TRMT2B: variants seen among roughly 807,000 people sequenced by gnomAD.
TRMT2B encodes tRNA methyltransferase 2B.
Under a neutral mutation model 39.7 loss-of-function variants are expected in TRMT2B, and 34 were observed. The ratio of observed to expected loss-of-function variants is 0.86; its 90% CI spans 0.65 to 1.14. The LOEUF (loss-of-function observed/expected upper bound fraction) is 1.14, where lower values mean the gene tolerates loss of function less well. TRMT2B is among the 50% of genes most tolerant of loss of function. TRMT2B has a pLI of 0.00. For synonymous variants in TRMT2B, 132 were observed against 137.3 expected (o/e 0.96, Z 0.27); for missense variants, 318 against 377.2 (o/e 0.84, Z 1.30).
chrX:101,005,806 A>G (rs1313211245), downstream of TRMT2B, among the ~76,000 whole-genome samples: 10 of 102,799 alleles, frequency 9.7e-5, no homozygotes, highest in Non-Finnish European at 2.0e-4. Context: ...GCTTGAGCCC[A>G]GGAGGCAGAG....
chrX:101,043,387 T>C (rs1328485007), intron 2 of TRMT2B, among the ~76,000 whole-genome samples: 4 of 111,316 alleles, frequency 3.6e-5, no homozygotes, highest in East Asian at 2.8e-4. Flanking sequence ...CTGGCCAACA[T>C]GGTGAAACCC....
the TRMT2B span, among the ~76,000 whole-genome samples, chrX:100,998,554 CAAAAA>C: frequency 1.8e-5 from 1 of 56,078 alleles, no homozygotes; most frequent in African/African-American, 6.1e-5. Context: ...GATTCTGTCG[CAAAAA>C]AAAAAAAAAA....
the TRMT2B span, among the ~76,000 whole-genome samples, chrX:100,982,090 C>G: frequency 9.0e-6 from 1 of 110,955 alleles, no homozygotes. Context: ...TTTAGACTAG[C>G]GCCTTTCAAA....
chrX:100,997,945 AAATT>A, the TRMT2B span, among the ~76,000 whole-genome samples: 1 of 111,733 alleles, frequency 8.9e-6, no homozygotes, highest in African/African-American at 3.3e-5. Flanking sequence ...GACTTGCCTA[AAATT>A]AATTATTGAA....
chrX:101,030,279 C>T (rs1171829502), intron 7 of TRMT2B, among the ~76,000 whole-genome samples: 1 of 109,388 alleles, frequency 9.1e-6, no homozygotes, highest in East Asian at 2.9e-4. Context: ...AACAAACAAA[C>T]AAAAACTGGC....
chrX:100,985,818 C>T, the TRMT2B span: 8 of 1,209,692 alleles, frequency 6.6e-6, no homozygotes, highest in South Asian at 1.8e-5. Context: ...GGCTTGTTTT[C>T]GTCCTGGATT....
At chrX:101,003,488 A>G in the TRMT2B span, among the ~76,000 whole-genome samples, 4 of 110,411 alleles carry the variant, frequency 3.6e-5, no homozygotes, top group Admixed American at 2.9e-4. Flanking sequence ...AGCTGGGATT[A>G]CAGGTGTGTG....
chrX:101,046,691 C>T (rs1176274174), intron 2 of TRMT2B, among the ~76,000 whole-genome samples: 1 of 111,730 alleles, frequency 9.0e-6, no homozygotes, highest in Non-Finnish European at 1.9e-5. Context: ...CTTTGGGAGG[C>T]CGAGGCAGGC....
At chrX:100,994,751 G>A in the TRMT2B span, among the ~76,000 whole-genome samples, 2 of 111,719 alleles carry the variant, frequency 1.8e-5, no homozygotes, top group African/African-American at 3.3e-5. Flanking sequence ...AGTGTTGGGT[G>A]TTTGGGCCAT....
the TRMT2B span, among the ~76,000 whole-genome samples, chrX:100,981,367 C>T: frequency 9.0e-6 from 1 of 111,287 alleles, no homozygotes; most frequent in African/African-American, 3.3e-5. Context: ...AGTTCCAATC[C>T]AAAGTCCTAC....
intron 10 of TRMT2B, 104 bp from the exon 11 acceptor site, chrX:101,020,692 C>T (rs2086754914): frequency 4.7e-6 from 3 of 639,936 alleles, no homozygotes; most frequent in Non-Finnish European, 7.5e-6. Flanking sequence ...TTGTTTTAAA[C>T]AGGGTCTCAC....
chrX:100,985,627 G>A, the TRMT2B span: 54 of 1,174,819 alleles, frequency 4.6e-5, no homozygotes, highest in East Asian at 7.8e-4. Flanking sequence ...ATGGAGTTTC[G>A]ATCTAAGTGA....
chrX:100,978,947 C>T, the TRMT2B span, among the ~76,000 whole-genome samples: 1 of 110,859 alleles, frequency 9.0e-6, no homozygotes, highest in Non-Finnish European at 1.9e-5. Flanking sequence ...CTGGAAACCC[C>T]ATTACTTTAA....
At chrX:101,022,084 C>T (rs2086830270) in intron 8 of TRMT2B, 22 bp from the exon 9 acceptor site, 2 of 1,152,570 alleles carry the variant, frequency 1.7e-6, no homozygotes, top group South Asian at 1.8e-5. Flanking sequence ...ATAAAATTAG[C>T]AGTTAAGCAA....
At chrX:100,974,486 T>C in the TRMT2B span, among the ~76,000 whole-genome samples, 1 of 110,420 alleles carries the variant, frequency 9.1e-6, no homozygotes, top group South Asian at 4.0e-4. Context: ...AGTCCTTTCA[T>C]AGGGTCAGTA....
the TRMT2B span, among the ~76,000 whole-genome samples, chrX:101,002,090 A>C: frequency 4.5e-5 from 5 of 110,819 alleles, no homozygotes; most frequent in African/African-American, 1.6e-4. Flanking sequence ...TTCACCTAAC[A>C]CCCTCCCCCT....
intron 8 of TRMT2B, among the ~76,000 whole-genome samples, chrX:101,022,320 C>G (rs2086837660): frequency 9.0e-6 from 1 of 110,856 alleles, no homozygotes; most frequent in South Asian, 3.8e-4. Flanking sequence ...AACATCCTGT[C>G]TCTACAAGAA....
chrX:101,003,909 C>T, the TRMT2B span, among the ~76,000 whole-genome samples: 2 of 111,588 alleles, frequency 1.8e-5, no homozygotes, highest in African/African-American at 6.5e-5. Flanking sequence ...TGGCTCACTG[C>T]AGCCTCAACC....
intron 2 of TRMT2B, among the ~76,000 whole-genome samples, chrX:101,048,812 G>A (rs1170104132): frequency 8.9e-6 from 1 of 112,373 alleles, no homozygotes; most frequent in Non-Finnish European, 1.9e-5. Context: ...ATACTTAAGT[G>A]CTATGAATCT....
Sources: gnomAD v4.1 joint callset for allele counts (sites outside exome capture counted in the v4.1 genomes callset) on GRCh38, gnomAD v4.1.1 for gene constraint, MANE v1.5 for transcripts, NCBI Gene and HGNC (gene_info 2026-07-23, HGNC 2026-07-21) for gene names.